Variants in PLN observed in about 807,000 individuals in gnomAD.
PLN encodes cardiac phospholamban.
A neutral mutation model predicts 3.9 loss-of-function variants in PLN; 1 was observed. That is an observed-to-expected ratio of 0.26 (90% CI 0.09 to 1.23). The LOEUF (loss-of-function observed/expected upper bound fraction) is 1.23, where lower values mean the gene tolerates loss of function less well. Ranked by LOEUF, PLN falls within the 50% of genes most tolerant of loss-of-function variation. The pLI is 0.48. For missense variants in PLN, 59 were observed against 62.7 expected (o/e 0.94, Z 0.20); for synonymous variants, 21 against 20.5 (o/e 1.02, Z -0.07).
At position 118,559,156 on chromosome 6, in the gene PLN, A is replaced by G. The variant is rs916772841; in HGVS notation, c.*76A>G. On this transcript the variant is annotated 3_prime_UTR_variant, in exon 2 of 2. Coordinates refer to ENST00000357525, the MANE Select transcript of PLN (RefSeq NM_002667.5). ...TGTCATCCCATGCAGACAGGAAAACAATATTGTATAACAGACCACTTCCTG... is the reference window on the plus strand; with the variant it reads ...TGTCATCCCATGCAGACAGGAAAACGATATTGTATAACAGACCACTTCCTG... 9.3e-7 allele frequency: 1 copy of G among 1,078,552 alleles called. No homozygotes were observed. The highest frequency in any genetic ancestry group is 1.4e-6 in the Non-Finnish European group (1 of 691,156). The allele number at this position is 1,078,552 out of a possible 1,614,324, so 66.8% of individuals were successfully genotyped here.
chr6:118,548,580 A>G (rs913092075), intron 1 of PLN, among the ~76,000 whole-genome samples, 188 bp downstream of exon 1: 44 of 152,098 alleles, frequency 2.9e-4, no homozygotes, highest in African/African-American at 1.0e-3. Context: ...AGGAAAAATG[A>G]GACAACTTTG....
chr6:118,551,316 C>T (rs1226364895), intron 1 of PLN, among the ~76,000 whole-genome samples: 1 of 151,698 alleles, frequency 6.6e-6, no homozygotes, highest in Admixed American at 6.6e-5. Context: ...TAGTTTTCAA[C>T]CCCCAACCCC....
chr6:118,558,124 T>C (rs1383943113), intron 1 of PLN, among the ~76,000 whole-genome samples: 1 of 152,160 alleles, frequency 6.6e-6, no homozygotes, highest in Non-Finnish European at 1.5e-5. Context: ...CTAATTTTTA[T>C]ATTTTTAGTA....
chr6:118,555,355 G>C (rs905404428), intron 1 of PLN, among the ~76,000 whole-genome samples: 1 of 150,944 alleles, frequency 6.6e-6, no homozygotes, highest in Non-Finnish European at 1.5e-5. Context: ...GTGAACCCGG[G>C]AGGTGGAGCT....
At chr6:118,557,040 T>C (rs1260310203) in intron 1 of PLN, among the ~76,000 whole-genome samples, 1 of 152,174 alleles carries the variant, frequency 6.6e-6, no homozygotes, top group South Asian at 2.1e-4. Context: ...GATATGTCTG[T>C]GGTAGTGAGA....
intron 1 of PLN, among the ~76,000 whole-genome samples, chr6:118,557,213 A>G (rs1396165127): frequency 6.6e-6 from 1 of 152,212 alleles, no homozygotes; most frequent in African/African-American, 2.4e-5. Context: ...ATTTAACACT[A>G]TTTTATTTTA....
At chr6:118,558,541 T>C (rs1038587754) in intron 1 of PLN, among the ~76,000 whole-genome samples, 1 of 151,498 alleles carries the variant, frequency 6.6e-6, no homozygotes, top group Non-Finnish European at 1.5e-5. Flanking sequence ...CTAAAGTTAC[T>C]ACTCCTAACA....
intron 1 of PLN, among the ~76,000 whole-genome samples, chr6:118,553,520 C>G (rs1199140876): frequency 2.0e-5 from 3 of 152,110 alleles, no homozygotes; most frequent in African/African-American, 4.8e-5. Context: ...AAATGTATAT[C>G]ATTAACATTT....
intron 1 of PLN, among the ~76,000 whole-genome samples, 177 bp from the exon 2 acceptor site, chr6:118,558,648 C>G (rs1465346157): frequency 5.1e-5 from 7 of 137,264 alleles, no homozygotes; most frequent in African/African-American, 2.3e-4. Context: ...CACACACACA[C>G]ACACACACAC....
At chr6:118,554,028 G>A (rs1489899576) in intron 1 of PLN, among the ~76,000 whole-genome samples, 1 of 152,026 alleles carries the variant, frequency 6.6e-6, no homozygotes, top group Non-Finnish European at 1.5e-5. Context: ...TTAAAAATGA[G>A]GGCCAGGCAT....
chr6:118,549,591 A>G (rs779324640), intron 1 of PLN, among the ~76,000 whole-genome samples: 12 of 151,802 alleles, frequency 7.9e-5, no homozygotes, highest in Non-Finnish European at 1.3e-4. Flanking sequence ...TTTCCTTAAG[A>G]CATAAAAAAA....
At chr6:118,557,839 T>A (rs1453556954) in intron 1 of PLN, among the ~76,000 whole-genome samples, 1 of 152,236 alleles carries the variant, frequency 6.6e-6, no homozygotes, top group Non-Finnish European at 1.5e-5. Context: ...TTGTTTTTGA[T>A]CTGCATGGAG....
intron 1 of PLN, among the ~76,000 whole-genome samples, chr6:118,558,590 G>T (rs373940496): frequency 6.6e-6 from 1 of 150,472 alleles, no homozygotes; most frequent in Non-Finnish European, 1.5e-5. Flanking sequence ...CAAAAAAGGA[G>T]AGAAAGAGAG....
intron 1 of PLN, among the ~76,000 whole-genome samples, chr6:118,548,881 A>G (rs1465149343): frequency 6.6e-6 from 1 of 151,994 alleles, no homozygotes; most frequent in Non-Finnish European, 1.5e-5. Flanking sequence ...CTATTCCAAT[A>G]TTATCATAAT....
intron 1 of PLN, among the ~76,000 whole-genome samples, chr6:118,556,990 T>A (rs1393338996): frequency 6.6e-6 from 1 of 152,172 alleles, no homozygotes; most frequent in African/African-American, 2.4e-5. Flanking sequence ...AAAGAAGGCA[T>A]GATGGAAACT....
intron 1 of PLN, 30 bp from the exon 2 acceptor site, chr6:118,558,795 T>G: frequency 1.4e-6 from 1 of 727,598 alleles, no homozygotes. Flanking sequence ...CATAGATGAT[T>G]CTAATCCATT....
chr6:118,558,906 C>G lies in PLN; in HGVS notation c.-16C>G, dbSNP rs1779063075. 1.9e-6 allele frequency: 3 copies of G among 1,611,776 alleles called. No individual in the cohort carries two copies. In the South Asian group the frequency reaches 3.3e-5, roughly 18 times the overall value. Reference sequence around the variant, plus strand: ...TCGACCACTTAAAACTTCAGACTTCCTGTCCTGCTGGTATCATGGAGAAAG... The same window carrying G: ...TCGACCACTTAAAACTTCAGACTTCGTGTCCTGCTGGTATCATGGAGAAAG... On this transcript the variant is annotated 5_prime_UTR_variant, in exon 2 of 2. Transcript: ENST00000357525.
chr6:118,550,633 G>T (rs1304829524), intron 1 of PLN, among the ~76,000 whole-genome samples: 1 of 151,786 alleles, frequency 6.6e-6, no homozygotes, highest in African/African-American at 2.4e-5. Context: ...AAGAAAACAG[G>T]GAAACCTTGG....
At position 118,561,421 on chromosome 6, in the gene PLN, A is replaced by T. The variant is rs1779215738; in HGVS notation, c.*2341A>T. 6.6e-6 allele frequency among the ~76,000 whole-genome samples: 1 copy of T among 152,184 alleles called. No homozygotes were observed. Among genetic ancestry groups the T allele is most frequent in the Non-Finnish European group, 1.5e-5 (1 of 68,006 alleles). ...ATAGAAATTAAAATCTTATTCTGTG[A>T]GGATTACAGAATACTATAACTCAAA... On this transcript the variant is annotated 3_prime_UTR_variant, in exon 2 of 2. Transcript: ENST00000357525.
Sources: gnomAD v4.1 joint callset for allele counts (sites outside exome capture counted in the v4.1 genomes callset) on GRCh38, gnomAD v4.1.1 for gene constraint, MANE v1.5 for transcripts, NCBI Gene and HGNC (gene_info 2026-07-23, HGNC 2026-07-21) for gene names.